The following INPP4B variants were observed in gnomAD, a reference collection of about 807,000 sequenced individuals.
INPP4B encodes the protein inositol polyphosphate-4-phosphatase type II B, also known as inositol polyphosphate 4-phosphatase type II.
Under a neutral mutation model 122.5 loss-of-function variants are expected in INPP4B, and 55 were observed. The observed-to-expected ratio is 0.45, with a 90% CI of 0.36 to 0.56. The LOEUF is 0.56. INPP4B is among the 20% of genes least tolerant of loss of function. The probability of loss-of-function intolerance (pLI) is 0.00; values close to 1 mark genes in which losing one functional copy is unlikely to be tolerated. For missense variants in INPP4B, 1,000 were observed against 1,097.7 expected, an observed-to-expected ratio of 0.91 and a Z score of 1.26; for synonymous variants, 403 against 388.7, an observed-to-expected ratio of 1.04 and a Z score of -0.43.
intron 1 of INPP4B, among the ~76,000 whole-genome samples, chr4:142,841,983 T>G (rs1783553713): frequency 6.6e-6 from 1 of 151,836 alleles, no homozygotes; most frequent in South Asian, 2.1e-4. Context: ...ATAGATAGAT[T>G]GATAGATAGA....
intron 2 of INPP4B, among the ~76,000 whole-genome samples, chr4:142,644,166 T>C (rs1443178302): frequency 6.7e-6 from 1 of 149,474 alleles, no homozygotes; most frequent in Non-Finnish European, 1.5e-5. Context: ...ACCACTGCAC[T>C]CCAGCAGCAT....
At chr4:142,053,226 G>A (rs1029595856) in intron 25 of INPP4B, among the ~76,000 whole-genome samples, 8 of 152,012 alleles carry the variant, frequency 5.3e-5, no homozygotes, top group African/African-American at 1.9e-4. Context: ...AGAAGGGAAA[G>A]GAGAGGGAGA....
intron 1 of INPP4B, among the ~76,000 whole-genome samples, chr4:142,732,901 C>T (rs887915217): frequency 2.0e-5 from 3 of 151,892 alleles, no homozygotes; most frequent in African/African-American, 7.2e-5. Flanking sequence ...TTTTAAATTG[C>T]CAGATATCAA....
intron 14 of INPP4B, among the ~76,000 whole-genome samples, chr4:142,205,373 C>T (rs942251566): frequency 1.3e-5 from 2 of 152,088 alleles, no homozygotes; most frequent in African/African-American, 4.8e-5. Context: ...CCCTCCTTGC[C>T]TTATTCCATC....
chr4:142,494,608 G>A (rs1822291003), intron 2 of INPP4B, among the ~76,000 whole-genome samples: 1 of 152,072 alleles, frequency 6.6e-6, no homozygotes, highest in Admixed American at 6.5e-5. Context: ...AACTCTGATT[G>A]ATAGCTTTTG....
chr4:142,764,972 G>A (rs913118124), intron 1 of INPP4B, among the ~76,000 whole-genome samples: 6 of 152,082 alleles, frequency 3.9e-5, no homozygotes, highest in African/African-American at 7.2e-5. Flanking sequence ...CTACTCTGGG[G>A]ATGGTGCAAT....
chr4:142,681,677 G>A (rs761540985), intron 2 of INPP4B, among the ~76,000 whole-genome samples: 55 of 151,700 alleles, frequency 3.6e-4, no homozygotes, highest in Non-Finnish European at 6.3e-4. Context: ...GCCTGCAAAC[G>A]CCAAAGAAAT....
At chr4:142,726,815 G>GT in intron 1 of INPP4B, among the ~76,000 whole-genome samples, 1 of 152,226 alleles carries the variant, frequency 6.6e-6, no homozygotes, top group East Asian at 1.9e-4. Context: ...AATAAATTTT[G>GT]TAAGTCTTCA....
intron 14 of INPP4B, among the ~76,000 whole-genome samples, chr4:142,208,035 C>A (rs1271245864): frequency 6.6e-6 from 1 of 151,820 alleles, no homozygotes; most frequent in Admixed American, 6.6e-5. Context: ...CAAAAAAAAA[C>A]CTGGCATATT....
chr4:142,206,811 T>G (rs1842772114), intron 14 of INPP4B, among the ~76,000 whole-genome samples: 1 of 151,984 alleles, frequency 6.6e-6, no homozygotes. Flanking sequence ...ATAAGAACAC[T>G]TAACAAAAGA....
chr4:142,228,309 A>G (rs564742361), intron 12 of INPP4B, among the ~76,000 whole-genome samples: 1 of 151,740 alleles, frequency 6.6e-6, no homozygotes, highest in Non-Finnish European at 1.5e-5. Flanking sequence ...AAAGATCAAT[A>G]CAAATCAAAT....
intron 2 of INPP4B, among the ~76,000 whole-genome samples, chr4:142,648,960 T>C (rs1185168775): frequency 6.6e-6 from 1 of 152,076 alleles, no homozygotes; most frequent in African/African-American, 2.4e-5. Flanking sequence ...GACAGACACC[T>C]CATATAGGTG....
At chr4:142,147,800 A>G (rs1234441996) in intron 17 of INPP4B, among the ~76,000 whole-genome samples, 3 of 152,178 alleles carry the variant, frequency 2.0e-5, no homozygotes, top group Non-Finnish European at 4.4e-5. Flanking sequence ...CTTTACCTCT[A>G]AGAAAAATTT....
intron 7 of INPP4B, among the ~76,000 whole-genome samples, chr4:142,379,169 T>G (rs1262894077): frequency 6.6e-6 from 1 of 152,152 alleles, no homozygotes; most frequent in Non-Finnish European, 1.5e-5. Context: ...AGGCCCCATA[T>G]CTTCCTATAC....
chr4:142,411,524 A>G (rs930498291), intron 5 of INPP4B, among the ~76,000 whole-genome samples: 1 of 152,168 alleles, frequency 6.6e-6, no homozygotes, highest in Non-Finnish European at 1.5e-5. Context: ...GGGAGAGATA[A>G]ATCCATGCCT....
At chr4:142,814,992 G>A (rs1779954134) in intron 1 of INPP4B, among the ~76,000 whole-genome samples, 1 of 152,132 alleles carries the variant, frequency 6.6e-6, no homozygotes, top group Admixed American at 6.6e-5. Context: ...ACCTTATCAG[G>A]TGATCAAGGT....
rs766516710 is a variant in INPP4B at position 142,441,883 on chromosome 4, AAG to A, written c.-126-10500_-126-10499del. 9.9e-5 allele frequency among the ~76,000 whole-genome samples: 15 copies of A among 151,038 alleles called. No homozygotes were observed. In the East Asian group the frequency reaches 1.4e-3, roughly 14 times the overall value. On this transcript the variant is annotated intron_variant, in intron 3 of 25. Coordinates refer to ENST00000262992, the MANE Select transcript of INPP4B (RefSeq NM_001101669.3). ...AAATGCTGAAGTAACATGGCCAGAA[AAG>A]AGAGAGAGAGAGAAATAGAATTGAA...
At chr4:142,114,189 C>T (rs1280888948) in intron 21 of INPP4B, among the ~76,000 whole-genome samples, 2 of 151,976 alleles carry the variant, frequency 1.3e-5, no homozygotes, top group Non-Finnish European at 2.9e-5. Flanking sequence ...ATCGATATCA[C>T]TTTTTGTCAA....
chr4:142,753,784 G>C (rs943159699), intron 1 of INPP4B, among the ~76,000 whole-genome samples: 4 of 151,876 alleles, frequency 2.6e-5, no homozygotes, highest in Non-Finnish European at 4.4e-5. Flanking sequence ...GTATGACTAT[G>C]ACAAAGAAAA....
Sources: allele counts gnomAD v4.1 joint callset (sites outside exome capture counted in the v4.1 genomes callset), GRCh38; gene constraint gnomAD v4.1.1; transcripts MANE v1.5; gene names NCBI Gene and HGNC (gene_info 2026-07-23, HGNC 2026-07-21).